The following MYH16 variants were observed in gnomAD, a reference collection of about 807,000 sequenced individuals.
MYH16 encodes myosin heavy chain 16.
At chr7:99,248,538 G>C (rs1214302791) in intron 3 of MYH16, among the ~76,000 whole-genome samples, 1 of 152,196 alleles carries the variant, frequency 6.6e-6, no homozygotes, top group Non-Finnish European at 1.5e-5. Context: ...TGAGACTATA[G>C]CAATGCGTCA....
intron 25 of MYH16, among the ~76,000 whole-genome samples, 184 bp downstream of exon 7, chr7:99,284,202 A>C (rs1379265193): frequency 1.3e-5 from 2 of 152,176 alleles, no homozygotes; most frequent in African/African-American, 4.8e-5. Context: ...GGGAATGCCC[A>C]GTGTCACACA....
chr7:99,289,606 C>T (rs771077398), intron 30 of MYH16, among the ~76,000 whole-genome samples: 6 of 152,210 alleles, frequency 3.9e-5, no homozygotes, highest in Non-Finnish European at 8.8e-5. Context: ...AAAGCATTTT[C>T]GTATCCATTC....
At chr7:99,300,526 A>G (rs6957987) in intron 37 of MYH16, among the ~76,000 whole-genome samples, 43,115 of 152,088 alleles carry the variant, frequency 0.28, 11,397 homozygotes, top group African/African-American at 0.71. Context: ...ACAATGCTGG[A>G]CACATTTGGT....
intron 29 of MYH16, among the ~76,000 whole-genome samples, chr7:99,288,786 C>T (rs1205384188): frequency 1.3e-5 from 2 of 151,750 alleles, no homozygotes; most frequent in East Asian, 3.9e-4. Context: ...CCTTAGAGCG[C>T]TACTGTGAGG....
At chr7:99,267,056 C>G (rs186761675) in intron 18 of MYH16, 74 of 152,690 alleles carry the variant, frequency 4.8e-4, no homozygotes, top group African/African-American at 1.7e-3. Context: ...TGGATTCCAC[C>G]TGACCACTGA....
chr7:99,302,422 A>G (rs1290644971), intron 38 of MYH16, among the ~76,000 whole-genome samples: 1 of 150,766 alleles, frequency 6.6e-6, no homozygotes, highest in East Asian at 2.0e-4. Context: ...ATAATTAGCC[A>G]TGTGTGGTGA....
At chr7:99,244,187 T>G (rs1791702208) in intron 2 of MYH16, among the ~76,000 whole-genome samples, 1 of 152,128 alleles carries the variant, frequency 6.6e-6, no homozygotes, top group Non-Finnish European at 1.5e-5. Flanking sequence ...CATCCAAATA[T>G]CCATCCATTC....
chr7:99,281,749 C>T (rs1792201226), intron 23 of MYH16, among the ~76,000 whole-genome samples: 1 of 152,202 alleles, frequency 6.6e-6, no homozygotes, highest in Non-Finnish European at 1.5e-5. Flanking sequence ...GGGAGACCCA[C>T]CGACTTTCCC....
intron 26 of MYH16, 99 bp from the exon 9 acceptor site, chr7:99,285,283 C>G (rs1247728667): frequency 2.3e-6 from 1 of 438,320 alleles, no homozygotes; most frequent in African/African-American, 2.0e-5. Context: ...CAGTGGCTGT[C>G]ATATTCTCAC....
At chr7:99,260,313 C>CT in exon 12 of MYH16, 1 of 1,400,414 alleles carries the variant, frequency 7.1e-7, no homozygotes, top group Non-Finnish European at 1.0e-6. Context: ...ACCTTCAGGC[C>CT]TGCATCGACC....
rs577512950 is a variant in MYH16 at position 99,263,930 on chromosome 7, A to C, written n.1883-320A>C. 5.1e-4 allele frequency among the ~76,000 whole-genome samples: 77 copies of C among 152,306 alleles called. 1 individual carries two copies. Among genetic ancestry groups the C allele is most frequent in the African/African-American group, 1.7e-3 (72 of 41,568 alleles). ...CACCAGTCTCCCTGGTCTCACCACC[A>C]AAGTGCACCTTCTCCCATGGTCTAT... On this transcript the variant is annotated intron_variant and non_coding_transcript_variant, in intron 14 of 41. Coordinates refer to ENST00000439784, the Ensembl canonical transcript of MYH16.
chr7:99,278,921 A>G (rs1455685198), intron 21 of MYH16, among the ~76,000 whole-genome samples: 1 of 152,144 alleles, frequency 6.6e-6, no homozygotes, highest in Non-Finnish European at 1.5e-5. Flanking sequence ...GCCAGGTGCA[A>G]TGGCTCATGC....
chr7:99,293,988 C>T (rs1234765566), intron 32 of MYH16, 30 bp from the exon 14 acceptor site: 6 of 435,680 alleles, frequency 1.4e-5, no homozygotes, highest in African/African-American at 1.2e-4. Flanking sequence ...CCTATGTTTC[C>T]TTGACAGCCC....
chr7:99,251,497 A>G (rs1316706826), intron 6 of MYH16, among the ~76,000 whole-genome samples: 1 of 152,252 alleles, frequency 6.6e-6, no homozygotes, highest in East Asian at 1.9e-4. Flanking sequence ...TTGTATCAAA[A>G]GATCAATTAT....
chr7:99,302,317 T>TAC (rs201230482), intron 38 of MYH16, among the ~76,000 whole-genome samples: 16,496 of 95,312 alleles, frequency 0.17, 1,575 homozygotes, highest in Non-Finnish European at 0.22. Flanking sequence ...AAAAAATATA[T>TAC]ACACACACAC....
intron 23 of MYH16, among the ~76,000 whole-genome samples, 168 bp downstream of exon 5, chr7:99,281,148 AC>A (rs1296458117): frequency 2.0e-5 from 3 of 152,168 alleles, no homozygotes; most frequent in Non-Finnish European, 2.9e-5. Context: ...CTCAAGAGTG[AC>A]ATGGGTGTGG....
chr7:99,247,948 T>C (rs1305417575), intron 3 of MYH16, among the ~76,000 whole-genome samples: 1 of 152,164 alleles, frequency 6.6e-6, no homozygotes, highest in Non-Finnish European at 1.5e-5. Context: ...TGCTGGGCAC[T>C]TGCTAGGCAC....
exon 29 of MYH16, chr7:99,288,119 G>A (rs1792310179): frequency 2.2e-6 from 1 of 456,542 alleles, no homozygotes; most frequent in Admixed American, 2.3e-5. Flanking sequence ...CCAGCATGGA[G>A]ACGATACAGA....
Position 99,255,282 on chromosome 7 carries a change from A to T in MYH16, n.893-300A>T, listed in dbSNP as rs577660566. Among the ~76,000 whole-genome samples, 230 of 152,084 alleles carry T rather than the reference A, an allele frequency of 1.5e-3. 1 individual carries two copies. Among genetic ancestry groups the T allele is most frequent in the South Asian group, 3.3e-3 (16 of 4,818 alleles). On this transcript the variant is annotated intron_variant and non_coding_transcript_variant, in intron 8 of 41. Coordinates refer to ENST00000439784, the Ensembl canonical transcript of MYH16. Reference sequence around the variant, plus strand: ...AGACTCCGTCTCAAAAAATTTTTTTAAAATAAATAAGTAACAAAAATTAGC... The same window carrying T: ...AGACTCCGTCTCAAAAAATTTTTTTTAAATAAATAAGTAACAAAAATTAGC...
Sources: allele counts gnomAD v4.1 joint callset (sites outside exome capture counted in the v4.1 genomes callset), GRCh38; gene constraint gnomAD v4.1.1; transcripts MANE v1.5; gene names NCBI Gene and HGNC (gene_info 2026-07-23, HGNC 2026-07-21).